The following ZC3HC1 variants were observed in gnomAD, a reference collection of about 807,000 sequenced individuals.
ZC3HC1 encodes zinc finger C3HC-type protein 1.
A neutral mutation model predicts 61.9 loss-of-function variants in ZC3HC1; 38 were observed. The observed-to-expected ratio is 0.61, with a 90% CI of 0.47 to 0.81. The LOEUF is 0.81. ZC3HC1 is among the 30% of genes least tolerant of loss of function. The probability of loss-of-function intolerance (pLI) is 0.00; values close to 1 mark genes in which losing one functional copy is unlikely to be tolerated. For synonymous variants in ZC3HC1, 213 were observed against 229.9 expected (o/e 0.93, Z 0.67); for missense variants, 554 against 622.7 (o/e 0.89, Z 1.17).
chr7:130,019,215 A>AT (rs1440620210), intron 9 of ZC3HC1, among the ~76,000 whole-genome samples: 2 of 151,832 alleles, frequency 1.3e-5, no homozygotes, highest in African/African-American at 2.4e-5. Context: ...CTCCTGGCTA[A>AT]TTTTTTGTAT....
At chr7:130,022,298 C>T (rs564221529) in intron 9 of ZC3HC1, 21 bp downstream of exon 9, 1 of 1,613,928 alleles carries the variant, frequency 6.2e-7, no homozygotes, top group Non-Finnish European at 8.5e-7. Context: ...TGCCCACACA[C>T]AAGGCAGTGG....
Position 130,020,110 on chromosome 7 carries a change from C to T in ZC3HC1, c.1441-1378G>A, listed in dbSNP as rs191371570. 1.2e-3 allele frequency among the ~76,000 whole-genome samples: 175 copies of T among 151,700 alleles called. 2 individuals are homozygous for T. Among genetic ancestry groups the T allele is most frequent in the Middle Eastern group, 6.8e-3 (2 of 292 alleles). ...GATTACAGGCGTGAGCCACTGCGCC[C>T]GGCCCACTTTCACAGTTTTTTAAAA... On this transcript the variant is annotated intron_variant, in intron 9 of 9. Transcript: ENST00000358303.
At chr7:130,045,547 T>C (rs1427846018) in intron 2 of ZC3HC1, 1 of 457,416 alleles carries the variant, frequency 2.2e-6, no homozygotes, top group Non-Finnish European at 4.4e-6. Flanking sequence ...GGAAAACAAG[T>C]GGCAATTACT....
intron 4 of ZC3HC1, among the ~76,000 whole-genome samples, chr7:130,037,384 C>T (rs1794470774): frequency 6.6e-6 from 1 of 152,172 alleles, no homozygotes; most frequent in East Asian, 1.9e-4. Flanking sequence ...GCAGAGGTTG[C>T]AGTGAGCCTA....
intron 1 of ZC3HC1, among the ~76,000 whole-genome samples, chr7:130,049,925 C>CAA (rs5887460): frequency 4.7e-4 from 69 of 147,612 alleles, no homozygotes; most frequent in East Asian, 3.3e-3. Context: ...CCACTCCTTC[C>CAA]AAAAAAAAAA....
chr7:130,049,308 G>T (rs1333399991), intron 1 of ZC3HC1, among the ~76,000 whole-genome samples, 164 bp from the exon 2 acceptor site: 2 of 152,026 alleles, frequency 1.3e-5, no homozygotes, highest in Non-Finnish European at 2.9e-5. Context: ...TATTTTCAAT[G>T]GTTTTATAAT....
At chr7:130,020,183 T>C (rs1362181880) in intron 9 of ZC3HC1, among the ~76,000 whole-genome samples, 2 of 152,140 alleles carry the variant, frequency 1.3e-5, no homozygotes, top group African/African-American at 2.4e-5. Flanking sequence ...AGGAAAAAGT[T>C]TGAACTCTTA....
In ZC3HC1 at chr7:130,047,778, T is replaced by C. The variant is rs548265083; in HGVS notation, c.258+1255A>G. Among the ~76,000 whole-genome samples, 5 of 152,286 alleles carry C rather than the reference T, an allele frequency of 3.3e-5. No individual in the cohort carries two copies. The South Asian group carries it at 1.0e-3, about 32-fold the overall frequency. On this transcript the variant is annotated intron_variant, in intron 2 of 9. Coordinates refer to ENST00000358303, the MANE Select transcript of ZC3HC1 (RefSeq NM_016478.5). ...TGAACAGCTTTTAAGGTGGCTCCAA[T>C]GATCCCTGCCTTCTTATATTCATGC...
chr7:130,047,862 T>C (rs1287889099), intron 2 of ZC3HC1, among the ~76,000 whole-genome samples: 1 of 152,172 alleles, frequency 6.6e-6, no homozygotes, highest in African/African-American at 2.4e-5. Flanking sequence ...TTCTAATGCA[T>C]AAAATATGAC....
chr7:130,043,462 A>C (rs1794755694), intron 2 of ZC3HC1: 1 of 154,020 alleles, frequency 6.5e-6, no homozygotes. Context: ...ACAAATATTA[A>C]AGGAGCCATG....
intron 9 of ZC3HC1, among the ~76,000 whole-genome samples, chr7:130,020,955 G>A (rs1793617314): frequency 6.6e-6 from 1 of 151,652 alleles, no homozygotes; most frequent in Non-Finnish European, 1.5e-5. Context: ...GCCCAGGCTG[G>A]AGCGCAACCT....
At position 130,023,454 on chromosome 7, in the gene ZC3HC1, G is replaced by C; in HGVS notation, c.1233+57C>G. 1 of 1,554,018 alleles carries C rather than the reference G, an allele frequency of 6.4e-7. No individual in the cohort carries two copies. Among genetic ancestry groups the C allele is most frequent in the Non-Finnish European group, 8.8e-7 (1 of 1,131,944 alleles). On this transcript the variant is annotated intron_variant, in intron 8 of 9. Coordinates refer to ENST00000358303, the MANE Select transcript of ZC3HC1 (RefSeq NM_016478.5). The surrounding 1 kb of genome is among the most constrained non-coding windows in gnomAD (Gnocchi z 4.2). ...CCTGCCTGCTTCTCCATGCTGCCTA[G>C]GGAGGGCCCAATATGCTGTTTATGC...
At chr7:130,041,573 G>A (rs1043511452) in intron 2 of ZC3HC1, among the ~76,000 whole-genome samples, 1 of 141,656 alleles carries the variant, frequency 7.1e-6, no homozygotes, top group African/African-American at 2.6e-5. Flanking sequence ...CACCCTGGCT[G>A]GAGTACAATG....
chr7:130,046,955 A>C (rs1794891113), intron 2 of ZC3HC1, among the ~76,000 whole-genome samples: 1 of 149,816 alleles, frequency 6.7e-6, no homozygotes, highest in South Asian at 2.1e-4. Context: ...CACCCAGCTA[A>C]CTGTGCATTC....
intron 2 of ZC3HC1, among the ~76,000 whole-genome samples, chr7:130,045,816 G>A (rs935231900): frequency 1.3e-5 from 2 of 150,184 alleles, no homozygotes; most frequent in African/African-American, 2.5e-5. Flanking sequence ...GCTTGAACCC[G>A]GGAGGCAGAG....
intron 2 of ZC3HC1, among the ~76,000 whole-genome samples, chr7:130,042,718 T>C (rs1794728037): frequency 6.6e-6 from 1 of 152,206 alleles, no homozygotes; most frequent in Admixed American, 6.5e-5. Flanking sequence ...AGTCTTGCTC[T>C]GTTGCCCAGG....
At chr7:130,041,770 A>T (rs1584591050) in intron 2 of ZC3HC1, among the ~76,000 whole-genome samples, 1 of 150,070 alleles carries the variant, frequency 6.7e-6, no homozygotes, top group African/African-American at 2.5e-5. Flanking sequence ...CTCGTGATCC[A>T]CCCACCTCGG....
intron 5 of ZC3HC1, among the ~76,000 whole-genome samples, chr7:130,028,529 G>A (rs1465036997): frequency 6.6e-6 from 1 of 152,012 alleles, no homozygotes; most frequent in Non-Finnish European, 1.5e-5. Context: ...GTGACAGAAA[G>A]AGACTCGGTC....
chr7:130,040,182 TAAAAAAAAAAAAAAAAAAA>T (rs34814353), intron 3 of ZC3HC1, among the ~76,000 whole-genome samples: 1 of 35,332 alleles, frequency 2.8e-5, no homozygotes, highest in East Asian at 1.2e-3. Context: ...TAGCTTAGTT[TAAAAAAAAAAAAAAAAAAA>T]AAAAAAAAAA....
Sources: allele counts gnomAD v4.1 joint callset (sites outside exome capture counted in the v4.1 genomes callset), GRCh38; gene constraint gnomAD v4.1.1; non-coding constraint Gnocchi (gnomAD v3.1); transcripts MANE v1.5; gene names NCBI Gene and HGNC (gene_info 2026-07-23, HGNC 2026-07-21).